XYLT1: variants seen among roughly 807,000 people sequenced by gnomAD.
XYLT1 encodes the protein beta-D-xylosyltransferase 1.
Under a neutral mutation model 91.3 loss-of-function variants are expected in XYLT1, and 36 were observed. The observed-to-expected ratio is 0.39, with a 90% confidence interval of 0.30 to 0.52. The LOEUF (loss-of-function observed/expected upper bound fraction) is 0.52. XYLT1 is among the 20% of genes least tolerant of loss of function. The pLI is 0.68. For missense variants in XYLT1, 1,242 were observed against 1,284.5 expected (o/e 0.97, Z 0.51); for synonymous variants, 588 against 532.0 (o/e 1.11, Z -1.45).
chr16:17,244,141 G>A (rs777887541), intron 3 of XYLT1, among the ~76,000 whole-genome samples: 2 of 152,144 alleles, frequency 1.3e-5, no homozygotes, highest in Non-Finnish European at 2.9e-5. Context: ...GCAGAACTAG[G>A]GGGAACAGGA....
intron 2 of XYLT1, among the ~76,000 whole-genome samples, chr16:17,305,993 T>G (rs2034465415): frequency 6.6e-6 from 1 of 152,110 alleles, no homozygotes; most frequent in Non-Finnish European, 1.5e-5. Flanking sequence ...GAGAACCTGC[T>G]GAGAACTGCT....
chr16:17,452,171 A>C (rs1189926149), intron 1 of XYLT1, among the ~76,000 whole-genome samples: 3 of 152,120 alleles, frequency 2.0e-5, no homozygotes, highest in Non-Finnish European at 4.4e-5. Context: ...CGAAATTAGC[A>C]CTTTGTATGG....
chr16:17,137,825 G>T (rs143522069), intron 8 of XYLT1, among the ~76,000 whole-genome samples: 3 of 152,136 alleles, frequency 2.0e-5, no homozygotes, highest in Admixed American at 6.5e-5. Context: ...ATACAAATTC[G>T]TCGATATCAC....
chr16:17,233,510 T>C (rs930269244), intron 3 of XYLT1, among the ~76,000 whole-genome samples: 3 of 152,236 alleles, frequency 2.0e-5, no homozygotes, highest in Non-Finnish European at 4.4e-5. Context: ...CTAAGCGGCC[T>C]GCAGACGCGC....
In XYLT1 at chr16:17,312,852, C is replaced by G. The variant is rs567891222; in HGVS notation, c.402+45160G>C. On this transcript the variant is annotated intron_variant, in intron 2 of 11. Transcript: ENST00000261381. This position sits in a 1 kb window ranked among gnomAD's most constrained non-coding sequence, Gnocchi z 4.4. ...TTACTTCTCCGGCAAGTTCTGGTAA[C>G]TAGTGCAAACTCGCTCATGGATCAG... is the stretch of plus-strand genomic sequence containing the variant. 3.1e-4 allele frequency among the ~76,000 whole-genome samples: 47 copies of G among 152,358 alleles called. No homozygotes were observed. The highest frequency in any genetic ancestry group is 1.0e-3 in the African/African-American group (43 of 41,594).
At chr16:17,399,589 G>T (rs1382388060) in intron 1 of XYLT1, among the ~76,000 whole-genome samples, 1 of 152,232 alleles carries the variant, frequency 6.6e-6, no homozygotes, top group Non-Finnish European at 1.5e-5. Flanking sequence ...ACAGTCCGAA[G>T]GACCTATATT....
intron 2 of XYLT1, among the ~76,000 whole-genome samples, chr16:17,326,160 G>T (rs2034798080): frequency 6.9e-6 from 1 of 144,474 alleles, no homozygotes; most frequent in Admixed American, 7.1e-5. Flanking sequence ...TTTTTTGGTG[G>T]CAAGAACATT....
chr16:17,379,916 C>A (rs141431121), intron 1 of XYLT1, among the ~76,000 whole-genome samples: 68 of 152,264 alleles, frequency 4.5e-4, no homozygotes, highest in African/African-American at 1.6e-3. Context: ...TGTAGGAAGA[C>A]CTGCTGGCCT....
At chr16:17,195,001 T>C (rs1433942789) in intron 5 of XYLT1, among the ~76,000 whole-genome samples, 1 of 152,236 alleles carries the variant, frequency 6.6e-6, no homozygotes, top group African/African-American at 2.4e-5. Flanking sequence ...TATCCATTGT[T>C]TAAATTTCTC....
intron 3 of XYLT1, among the ~76,000 whole-genome samples, chr16:17,245,833 G>A (rs1051128867): frequency 2.0e-5 from 3 of 152,284 alleles, no homozygotes; most frequent in East Asian, 3.9e-4. Flanking sequence ...ACAGCAACTA[G>A]AAACTGGCAG....
intron 2 of XYLT1, among the ~76,000 whole-genome samples, chr16:17,334,556 A>G (rs2034949344): frequency 6.6e-6 from 1 of 152,044 alleles, no homozygotes; most frequent in South Asian, 2.1e-4. Context: ...TGAAAAGGCC[A>G]TTTTTCTACT....
intron 6 of XYLT1, among the ~76,000 whole-genome samples, chr16:17,142,618 T>C (rs1330813048): frequency 6.7e-6 from 1 of 148,952 alleles, no homozygotes; most frequent in Non-Finnish European, 1.5e-5. Flanking sequence ...TTTTTTTGTA[T>C]TTTTAGTAGA....
intron 1 of XYLT1, among the ~76,000 whole-genome samples, chr16:17,406,128 T>C (rs1297032438): frequency 6.6e-6 from 1 of 152,166 alleles, no homozygotes; most frequent in African/African-American, 2.4e-5. Context: ...GAGGCTGCAA[T>C]GGGCTGAGAT....
chr16:17,370,185 C>T (rs564761890), intron 1 of XYLT1, among the ~76,000 whole-genome samples: 2 of 152,270 alleles, frequency 1.3e-5, no homozygotes, highest in African/African-American at 2.4e-5. Flanking sequence ...GTTTCTGAAA[C>T]GATCAATTCT....
At chr16:17,305,974 G>A (rs1371507128) in intron 2 of XYLT1, among the ~76,000 whole-genome samples, 1 of 152,142 alleles carries the variant, frequency 6.6e-6, no homozygotes, top group Non-Finnish European at 1.5e-5. Context: ...GGAAGGGACA[G>A]TACCCTCTGA....
chr16:17,384,956 A>G (rs2035728784), intron 1 of XYLT1, among the ~76,000 whole-genome samples: 1 of 151,792 alleles, frequency 6.6e-6, no homozygotes, highest in Admixed American at 6.6e-5. Context: ...TTCTCAATCT[A>G]CACCTGACAG....
chr16:17,368,138 G>T (rs12148990), intron 1 of XYLT1, among the ~76,000 whole-genome samples: 9 of 151,936 alleles, frequency 5.9e-5, no homozygotes, highest in Non-Finnish European at 1.0e-4. Flanking sequence ...CACAAACCAC[G>T]GGGGGCGGAA....
intron 3 of XYLT1, among the ~76,000 whole-genome samples, chr16:17,220,679 G>A (rs754205717): frequency 2.0e-5 from 3 of 152,112 alleles, no homozygotes; most frequent in Non-Finnish European, 4.4e-5. Flanking sequence ...CACCATGTTG[G>A]CCAGGCTGGT....
At chr16:17,347,044 T>C (rs949654465) in intron 2 of XYLT1, among the ~76,000 whole-genome samples, 11 of 152,220 alleles carry the variant, frequency 7.2e-5, no homozygotes, top group Admixed American at 5.2e-4. Context: ...CCACTGCTAC[T>C]CCCTCCTGCA....
Sources: allele counts gnomAD v4.1 joint callset (sites outside exome capture counted in the v4.1 genomes callset), GRCh38; gene constraint gnomAD v4.1.1; non-coding constraint Gnocchi (gnomAD v3.1); transcripts MANE v1.5; gene names NCBI Gene and HGNC (gene_info 2026-07-23, HGNC 2026-07-21).